SHMT2: variants seen among roughly 807,000 people sequenced by gnomAD.
SHMT2 encodes the protein serine hydroxymethyltransferase, mitochondrial.
A neutral mutation model predicts 59.6 loss-of-function variants in SHMT2; 38 were observed. That is an observed-to-expected ratio of 0.64 (90% CI 0.49 to 0.84). The LOEUF (loss-of-function observed/expected upper bound fraction) is 0.84, where lower values mean the gene tolerates loss of function less well. Ranked by LOEUF, SHMT2 falls within the 40% of genes least tolerant of loss-of-function variation. The pLI, the probability that SHMT2 is intolerant of heterozygous loss-of-function variation, is 0.00. For missense variants in SHMT2, 533 were observed against 659.5 expected, an observed-to-expected ratio of 0.81 and a Z score of 2.10; for synonymous variants, 254 against 258.1, an observed-to-expected ratio of 0.98 and a Z score of 0.15.
At position 57,231,828 on chromosome 12, in the gene SHMT2, G is replaced by A. The variant is rs527594157; in HGVS notation, c.427G>A (p.Gly143Arg). The change falls in exon 4 of 12, where the codon GGG becomes AGG. Residue 143 changes from glycine to arginine, a missense_variant. By Grantham distance (125) the Gly-to-Arg change is moderately radical. Transcript: ENST00000328923. ...GGGAGTCAATGTCCAGCCCTACTCC[G>A]GGTCCCCAGCCAACCTGGCCGTCTA... Reference protein sequence around the residue: ...QWGVNVQPYSGSPANLAVYTA... With the variant: ...QWGVNVQPYSRSPANLAVYTA... 12 of 1,614,168 alleles carry A rather than the reference G, an allele frequency of 7.4e-6. No individual in the cohort carries two copies. The highest frequency in any genetic ancestry group is 1.1e-5 in the South Asian group (1 of 91,076).
chr12:57,231,097 C>T (rs1233258981), intron 2 of SHMT2, 97 bp downstream of exon 2: 2 of 1,196,974 alleles, frequency 1.7e-6, no homozygotes, highest in Non-Finnish European at 2.4e-6. Context: ...CCCTTTCACA[C>T]TCAGGACCTT....
rs1358623780 is a variant in SHMT2 at position 57,230,904 on chromosome 12, C to T, written c.135C>T (p.Gly45=). Residue 45 remains glycine, a synonymous_variant, in exon 2 of 12, where the codon GGC becomes GGT. Transcript: ENST00000328923. ...GGGAAGCAAACAGGGGCTGGACAGG[C>T]CAGGAGAGCCTGTCGGACAGTGATC... ...QTGEANRGWT[G]QESLSDSDPE... 4.3e-6 allele frequency: 7 copies of T among 1,614,042 alleles called. No homozygotes were observed. In the South Asian group the frequency reaches 7.7e-5, roughly 18 times the overall value.
intron 1 of SHMT2, 170 bp downstream of exon 1, chr12:57,229,981 G>A: frequency 6.9e-7 from 1 of 1,445,706 alleles, no homozygotes; most frequent in Non-Finnish European, 9.1e-7. Context: ...GGGCGCGCGT[G>A]GAGTTAACTG....
intron 1 of SHMT2, 31 bp from the exon 2 acceptor site, chr12:57,230,772 G>T: frequency 6.2e-7 from 1 of 1,612,118 alleles, no homozygotes; most frequent in Non-Finnish European, 8.5e-7. Flanking sequence ...CTGGACTGTT[G>T]TGATTTCACC....
chr12:57,232,858 G>A lies in SHMT2; in HGVS notation c.857+15G>A, dbSNP rs2037386117. ...CGAGGGGCCAGGTCAGGCTCCCTGA[G>A]GTCGGGCCTTGCCTTTCCCTGCCTT... On this transcript the variant is annotated intron_variant, in intron 7 of 11. Coordinates refer to ENST00000328923, the MANE Select transcript of SHMT2 (RefSeq NM_005412.6). 1 of 1,598,612 alleles carries A rather than the reference G, an allele frequency of 6.3e-7. No homozygotes were observed. Among genetic ancestry groups the A allele is most frequent in the Non-Finnish European group, 8.6e-7 (1 of 1,167,444 alleles).
Position 57,232,208 on chromosome 12 carries a change from C to T in SHMT2, c.513-3C>T. The T allele has an allele frequency of 6.2e-7, 1 of 1,613,988 alleles. No individual in the cohort carries two copies. The highest frequency in any genetic ancestry group is 8.5e-7 in the Non-Finnish European group (1 of 1,179,876). On this transcript the variant is annotated splice_polypyrimidine_tract_variant and splice_region_variant and intron_variant, in intron 4 of 11. Transcript: ENST00000328923. The stretch of plus-strand genomic sequence containing the variant: ...GGCCTTCTTACTTCCTCTCACTTCG[C>T]AGTCTCACCCACGGCTACATGTCTG...
rs539783447 is a variant in SHMT2, at chr12:57,232,019, C to A, written c.512+106C>A. The A allele has an allele frequency of 3.1e-6, 4 of 1,290,620 alleles. No individual in the cohort carries two copies. The East Asian group carries it at 7.5e-5, about 24-fold the overall frequency. The allele number at this position is 1,290,620 out of a possible 1,614,324, so 79.9% of individuals were successfully genotyped here. On this transcript the variant is annotated intron_variant, in intron 4 of 11. Coordinates refer to ENST00000328923, the MANE Select transcript of SHMT2 (RefSeq NM_005412.6). ...GACCATACAGATGGAACAGGCCTTG[C>A]CCTGTCCTGCATGTCACAGTGGATG...
intron 2 of SHMT2, 109 bp downstream of exon 2, chr12:57,231,109 C>A (rs754336410): frequency 3.9e-5 from 42 of 1,071,214 alleles, no homozygotes; most frequent in Non-Finnish European, 5.7e-5. Flanking sequence ...CAGGACCTTT[C>A]TTTGGGCTTT....
Position 57,234,447 on chromosome 12 carries a change from T to G in SHMT2, c.*86T>G. 7 of 1,450,726 alleles carry G rather than the reference T, an allele frequency of 4.8e-6. No homozygotes were observed. The highest frequency in any genetic ancestry group is 6.4e-6 in the Non-Finnish European group (7 of 1,088,936). 89.9% of individuals were successfully genotyped at this position (1,450,726 alleles called of 1,614,324 possible). A position where few individuals can be genotyped will look rare whatever the true frequency, so the allele number is the denominator to read the frequency against. On this transcript the variant is annotated 3_prime_UTR_variant, in exon 12 of 12. Transcript: ENST00000328923. ...AGTGAAATAGAAAGCCTTTCTATTT[T>G]TTGGTGCGGGAGGGAAGACCTCTCA...
intron 3 of SHMT2, 34 bp downstream of exon 3, chr12:57,231,594 T>A: frequency 6.2e-7 from 1 of 1,612,112 alleles, no homozygotes; most frequent in Non-Finnish European, 8.5e-7. Flanking sequence ...GGGATGGTGC[T>A]CCCAGTGGGG....
At chr12:57,230,541 A>C (rs2037270449) in intron 1 of SHMT2, 2 of 1,353,992 alleles carry the variant, frequency 1.5e-6, no homozygotes, top group Non-Finnish European at 1.9e-6. Context: ...CAAGCTTTGC[A>C]GAGTGGTTCA....
At chr12:57,232,126 G>T in intron 4 of SHMT2, 85 bp from the exon 5 acceptor site, 2 of 1,305,572 alleles carry the variant, frequency 1.5e-6, no homozygotes, top group East Asian at 2.3e-5. Flanking sequence ...TGGTGTTCTG[G>T]GGACAGAGAA....
chr12:57,234,323 G>T lies in SHMT2; in HGVS notation c.1477G>T (p.Ala493Ser), dbSNP rs1194301928. The change falls in exon 12 of 12, where the codon GCC (alanine) becomes TCC (serine). Residue 493 changes from alanine (A) to serine (S), a missense_variant. Coordinates refer to ENST00000328923, the MANE Select transcript of SHMT2 (RefSeq NM_005412.6). Reference sequence around the variant, plus strand: ...CCTCAGGCAACGGGTGGAGCAGTTTGCCAGGGCCTTCCCCATGCCTGGTTT... The same window carrying T: ...CCTCAGGCAACGGGTGGAGCAGTTTTCCAGGGCCTTCCCCATGCCTGGTTT... ...ANLRQRVEQF[A>S]RAFPMPGFDE... 1 of 1,612,396 alleles carries T rather than the reference G, an allele frequency of 6.2e-7. No homozygotes were observed. The highest frequency in any genetic ancestry group is 2.2e-5 in the East Asian group (1 of 44,860).
chr12:57,231,096 A>G, intron 2 of SHMT2, 96 bp downstream of exon 2: 1 of 1,201,282 alleles, frequency 8.3e-7, no homozygotes, highest in Non-Finnish European at 1.2e-6. Flanking sequence ...CCCCTTTCAC[A>G]CTCAGGACCT....
intron 4 of SHMT2, 45 bp downstream of exon 4, chr12:57,231,958 T>C: frequency 1.3e-6 from 2 of 1,559,500 alleles, no homozygotes; most frequent in Non-Finnish European, 1.7e-6. Context: ...GCAGGATTGG[T>C]GTGGGAAAGG....
intron 1 of SHMT2, chr12:57,230,254 T>C: frequency 1.7e-6 from 2 of 1,204,502 alleles, no homozygotes; most frequent in East Asian, 6.1e-5. Context: ...GGTAGGGGGC[T>C]AAGTAAGGGG....
In SHMT2 at chr12:57,232,509, G is replaced by T. The variant is rs1214306941; in HGVS notation, c.651G>T (p.Arg217=). Residue 217 remains arginine, a synonymous_variant, in exon 6 of 12, where the codon CGG becomes CGT. Coordinates refer to ENST00000328923, the MANE Select transcript of SHMT2 (RefSeq NM_005412.6). ...NQLALTARLF[R]PRLIIAGTSA... ...TGGCACTGACTGCTCGACTTTTCCGGCCACGGCTCATCATAGCTGGCACCA... is the reference window on the plus strand; with the variant it reads ...TGGCACTGACTGCTCGACTTTTCCGTCCACGGCTCATCATAGCTGGCACCA... 6.2e-7 allele frequency: 1 copy of T among 1,614,226 alleles called. No homozygotes were observed. The highest frequency in any genetic ancestry group is 1.1e-5 in the South Asian group (1 of 91,086).
chr12:57,232,809 A>G lies in SHMT2; in HGVS notation c.823A>G (p.Thr275Ala), dbSNP rs764937227. 2 of 1,613,356 alleles carry G rather than the reference A, an allele frequency of 1.2e-6. No homozygotes were observed. Among genetic ancestry groups the G allele is most frequent in the Admixed American group, 1.7e-5 (1 of 60,006 alleles). ...GCCTTTCAAGCACGCGGACATCGTC[A>G]CCACCACTACTCACAAGACTCTTCG... ...PSPFKHADIV[T>A]TTTHKTLRGA... Residue 275 changes from threonine to alanine, a missense_variant, in exon 7 of 12, where the codon ACC becomes GCC. Physicochemically the swap from Thr to Ala is moderately conservative, Grantham distance 58. Transcript: ENST00000328923.
rs755497969 is a variant in SHMT2, at chr12:57,233,581, C to T, written c.1042C>T (p.Arg348Trp). The T allele has an allele frequency of 1.8e-5, 29 of 1,613,760 alleles. No homozygotes were observed. Among genetic ancestry groups the T allele is most frequent in the East Asian group, 2.2e-5 (1 of 44,872 alleles). Residue 348 changes from arginine to tryptophan, a missense_variant, in exon 9 of 12, where the codon CGG (arginine) becomes TGG (tryptophan). By Grantham distance (101) the Arg-to-Trp change is moderately radical (BLOSUM62 -3). Coordinates refer to ENST00000328923, the MANE Select transcript of SHMT2 (RefSeq NM_005412.6). ...TCTCCAGGCCTGCACCCCCATGTTCCGGGAGTACTCCCTGCAGGTTCTGAA... is the reference window on the plus strand; with the variant it reads ...TCTCCAGGCCTGCACCCCCATGTTCTGGGAGTACTCCCTGCAGGTTCTGAA... ...ALKQACTPMF[R>W]EYSLQVLKNA... is the part of the protein sequence containing the mutation.
Sources: allele counts gnomAD v4.1 joint callset, GRCh38; gene constraint gnomAD v4.1.1; transcripts MANE v1.5; gene names NCBI Gene and HGNC (gene_info 2026-07-23, HGNC 2026-07-21).